NHSL1: variants seen among roughly 807,000 people sequenced by gnomAD.
The protein encoded by NHSL1 is NHS like 1, also known as NHS-like protein 1.
In NHSL1, 48 loss-of-function variants were observed where a neutral mutation model predicts 95.0. That is an observed-to-expected ratio of 0.51 (90% CI 0.40 to 0.64). NHSL1 has a LOEUF of 0.64. Ranked by LOEUF, NHSL1 falls within the 30% of genes least tolerant of loss-of-function variation. The pLI is 0.00. For missense variants in NHSL1, 1,971 were observed against 2,077.7 expected, an observed-to-expected ratio of 0.95 and a Z score of 1.00; for synonymous variants, 783 against 833.9, an observed-to-expected ratio of 0.94 and a Z score of 1.05.
chr6:138,475,377 C>G (rs1779006848), intron 2 of NHSL1, among the ~76,000 whole-genome samples: 1 of 151,570 alleles, frequency 6.6e-6, no homozygotes, highest in Non-Finnish European at 1.5e-5. Flanking sequence ...TACATGCCAT[C>G]ACACCTGGCA....
rs1215627520 is a variant in NHSL1, at chr6:138,431,509, T to C, written c.2836A>G (p.Arg946Gly). ...PSPPFPCPAD[R>G]SPFLPPPPPV... ...GGTGGGGGAGGAAGGAAAGGAGACC[T>C]GTCTGCAGGACAAGGGAATGGAGGA... Residue 946 changes from arginine to glycine, a missense_variant, in exon 6 of 8, where the codon AGG (arginine) becomes GGG (glycine). Physicochemically the swap from Arg to Gly is moderately radical, Grantham distance 125. Transcript: ENST00000343505. This position sits in a 1 kb window ranked among gnomAD's most constrained non-coding sequence, Gnocchi z 4.0. The C allele has an allele frequency of 1.3e-6, 2 of 1,550,262 alleles. No homozygotes were observed. The highest frequency in any genetic ancestry group is 1.7e-6 in the Non-Finnish European group (2 of 1,146,488).
chr6:138,579,255 C>T (rs1285714060), intron 1 of NHSL1, among the ~76,000 whole-genome samples: 1 of 152,174 alleles, frequency 6.6e-6, no homozygotes, highest in Non-Finnish European at 1.5e-5. Context: ...TTATACACAG[C>T]CAGCATTTAG....
In NHSL1 at chr6:138,472,732, A is replaced by C. The variant is rs536504893; in HGVS notation, c.339+574T>G. On this transcript the variant is annotated intron_variant, in intron 3 of 7. Transcript: ENST00000343505. ...ATTACTTATCTTAAGTGGTTTGTGCATATCACCAGAGATGGCAGAGGAAAA... is the reference window on the plus strand; with the variant it reads ...ATTACTTATCTTAAGTGGTTTGTGCCTATCACCAGAGATGGCAGAGGAAAA... 3.9e-5 allele frequency among the ~76,000 whole-genome samples: 6 copies of C among 152,242 alleles called. No individual in the cohort carries two copies. The South Asian group carries it at 1.2e-3, about 32-fold the overall frequency.
chr6:138,692,017 T>C lies in NHSL1; in HGVS notation c.96+459A>G. 1 of 456,620 alleles carries C rather than the reference T, an allele frequency of 2.2e-6. No individual in the cohort carries two copies. The highest frequency in any genetic ancestry group is 4.4e-6 in the Non-Finnish European group (1 of 226,956). 28.3% of individuals were successfully genotyped at this position (456,620 alleles called of 1,614,324 possible). A position where few individuals can be genotyped will look rare whatever the true frequency, so the allele number is the denominator to read the frequency against. On this transcript the variant is annotated intron_variant, in intron 1 of 3. Transcript: ENST00000491526. The surrounding 1 kb of genome is among the most constrained non-coding windows in gnomAD (Gnocchi z 4.0). ...CAAGCAGCCCCAACGCTCGCCGAGATCCCCAGGGTTTTACAAACGGATCGT... is the reference window on the plus strand; with the variant it reads ...CAAGCAGCCCCAACGCTCGCCGAGACCCCCAGGGTTTTACAAACGGATCGT...
intron 1 of NHSL1, among the ~76,000 whole-genome samples, chr6:138,643,008 T>C (rs1473964777): frequency 1.3e-5 from 2 of 152,180 alleles, no homozygotes; most frequent in African/African-American, 4.8e-5. Flanking sequence ...GTTTTAAGCT[T>C]ACCTATCCCT....
At chr6:138,450,158 G>C (rs1208597720) in intron 3 of NHSL1, among the ~76,000 whole-genome samples, 1 of 152,014 alleles carries the variant, frequency 6.6e-6, no homozygotes, top group Non-Finnish European at 1.5e-5. Flanking sequence ...ACTTAAGTTT[G>C]ATTTATAATA....
rs1056505069 is a variant in NHSL1 at position 138,692,099 on chromosome 6, T to G, written c.96+377A>C. The G allele has an allele frequency of 8.8e-6, 4 of 456,224 alleles. No individual in the cohort carries two copies. The highest frequency in any genetic ancestry group is 8.8e-6 in the Non-Finnish European group (2 of 226,968). The allele number at this position is 456,224 out of a possible 1,614,324, so 28.3% of individuals were successfully genotyped here. A position where few individuals can be genotyped will look rare whatever the true frequency, so the allele number is the denominator to read the frequency against. The stretch of plus-strand genomic sequence containing the variant: ...GCCCAAATTTATATTCTCCCCTGGC[T>G]TTTCCAACAGGCTACCTGCCTGTGA... On this transcript the variant is annotated intron_variant, in intron 1 of 3. Coordinates refer to the NHSL1 transcript ENST00000491526. The surrounding 1 kb of genome is among the most constrained non-coding windows in gnomAD (Gnocchi z 4.0).
chr6:138,617,233 T>C lies in NHSL1; in HGVS notation c.96+75243A>G, dbSNP rs181454536. Among the ~76,000 whole-genome samples, 6 of 152,158 alleles carry C rather than the reference T, an allele frequency of 3.9e-5. No homozygotes were observed. In the East Asian group the frequency reaches 9.7e-4, roughly 24 times the overall value. ...TATATCATAATGACCAAGACTTACA[T>C]ATAAGGGAAAATGTTGGCTAATCAG... On this transcript the variant is annotated intron_variant, in intron 1 of 3. Coordinates refer to the NHSL1 transcript ENST00000491526.
intron 1 of NHSL1, among the ~76,000 whole-genome samples, chr6:138,516,154 G>T (rs1386233503): frequency 6.6e-6 from 1 of 152,200 alleles, no homozygotes; most frequent in Non-Finnish European, 1.5e-5. Flanking sequence ...TGAGGTAACT[G>T]AAGTCTCAGT....
At chr6:138,590,434 C>T (rs1053549649) in intron 1 of NHSL1, among the ~76,000 whole-genome samples, 2 of 152,178 alleles carry the variant, frequency 1.3e-5, no homozygotes, top group Non-Finnish European at 2.9e-5. Flanking sequence ...CTCCTTTCTC[C>T]CTTTCCCCTC....
chr6:138,618,931 C>T (rs1050324608), intron 1 of NHSL1, among the ~76,000 whole-genome samples: 1 of 152,202 alleles, frequency 6.6e-6, no homozygotes, highest in Non-Finnish European at 1.5e-5. Context: ...TTTGCCTCAG[C>T]CCCTGGGGCC....
chr6:138,620,476 A>G (rs1271950275), intron 1 of NHSL1, among the ~76,000 whole-genome samples: 1 of 152,232 alleles, frequency 6.6e-6, no homozygotes, highest in East Asian at 1.9e-4. Flanking sequence ...ATATTACTAC[A>G]ATGATGAAAT....
At chr6:138,552,608 A>T (rs1421668633) in intron 1 of NHSL1, among the ~76,000 whole-genome samples, 1 of 151,998 alleles carries the variant, frequency 6.6e-6, no homozygotes, top group Non-Finnish European at 1.5e-5. Flanking sequence ...TAACACTCAA[A>T]GTGTTAGATT....
At chr6:138,445,285 A>T (rs1776794198) in intron 4 of NHSL1, among the ~76,000 whole-genome samples, 1 of 152,204 alleles carries the variant, frequency 6.6e-6, no homozygotes, top group Non-Finnish European at 1.5e-5. Flanking sequence ...TATATAATGT[A>T]ATTACATTTC....
chr6:138,484,054 AG>A (rs2128266548), intron 2 of NHSL1, among the ~76,000 whole-genome samples: 1 of 152,328 alleles, frequency 6.6e-6, no homozygotes, highest in South Asian at 2.1e-4. Flanking sequence ...ATGAGAGGAG[AG>A]TAGGTGGAAC....
At chr6:138,679,156 G>A (rs183979206) in intron 1 of NHSL1, among the ~76,000 whole-genome samples, 12 of 152,208 alleles carry the variant, frequency 7.9e-5, no homozygotes, top group East Asian at 3.9e-4. Context: ...AAATCTTGTC[G>A]AACTAAATCT....
At chr6:138,586,476 G>C (rs1391578559) in intron 1 of NHSL1, among the ~76,000 whole-genome samples, 1 of 152,086 alleles carries the variant, frequency 6.6e-6, no homozygotes, top group African/African-American at 2.4e-5. Context: ...CTACACTTGA[G>C]GTACAGTAAG....
chr6:138,657,540 G>A (rs892084351), intron 1 of NHSL1, among the ~76,000 whole-genome samples: 9 of 152,042 alleles, frequency 5.9e-5, no homozygotes, highest in East Asian at 1.9e-4. Flanking sequence ...TAGGCTGGGC[G>A]CGGTGGCTCA....
intron 2 of NHSL1, among the ~76,000 whole-genome samples, chr6:138,475,624 T>A (rs1033783890): frequency 2.6e-5 from 4 of 151,920 alleles, no homozygotes; most frequent in African/African-American, 9.7e-5. Flanking sequence ...AAGCTAAGAT[T>A]AAAAAATAAC....
Sources: allele counts gnomAD v4.1 joint callset (sites outside exome capture counted in the v4.1 genomes callset), GRCh38; gene constraint gnomAD v4.1.1; non-coding constraint Gnocchi (gnomAD v3.1); transcripts MANE v1.5; gene names NCBI Gene and HGNC (gene_info 2026-07-23, HGNC 2026-07-21).